BICD2: variants seen among roughly 807,000 people sequenced by gnomAD.
BICD2 encodes the protein protein bicaudal D homolog 2.
A neutral mutation model predicts 72.9 loss-of-function variants in BICD2; 25 were observed. The ratio of observed to expected loss-of-function variants is 0.34; its 90% CI spans 0.25 to 0.48. The LOEUF (loss-of-function observed/expected upper bound fraction) is 0.48. BICD2 is among the 20% of genes least tolerant of loss of function. The pLI, the probability that BICD2 is intolerant of heterozygous loss-of-function variation, is 0.99. For missense variants in BICD2, 894 were observed against 1,175.2 expected, an observed-to-expected ratio of 0.76 and a Z score of 3.50; for synonymous variants, 501 against 516.1, an observed-to-expected ratio of 0.97 and a Z score of 0.40.
At chr9:92,739,208 T>C (rs972380069) in intron 1 of BICD2, among the ~76,000 whole-genome samples, 2 of 152,188 alleles carry the variant, frequency 1.3e-5, no homozygotes, top group African/African-American at 4.8e-5. Flanking sequence ...CCCAGGCTTG[T>C]TGAAAAATCC....
intron 1 of BICD2, among the ~76,000 whole-genome samples, chr9:92,742,879 T>C (rs1294638119): frequency 6.6e-6 from 1 of 152,262 alleles, no homozygotes; most frequent in East Asian, 1.9e-4. Flanking sequence ...TGTTGTAGTA[T>C]GTATAAGAAT....
Position 92,712,968 on chromosome 9 carries a change from C to CA in BICD2, c.*2185dup, listed in dbSNP as rs1490729551. The CA allele has an allele frequency of 2.5e-5, 4 of 161,988 alleles. No individual in the cohort carries two copies. Among genetic ancestry groups the CA allele is most frequent in the African/African-American group, 9.6e-5 (4 of 41,612 alleles). The allele number at this position is 161,988 out of a possible 1,614,324, so 10.0% of individuals were successfully genotyped here. On this transcript the variant is annotated 3_prime_UTR_variant, in exon 7 of 7. Transcript: ENST00000356884. Reference sequence around the variant, plus strand: ...CTAAAGCTACACGCTATGGAGCACACAGCTCTGCCTCGTGCTGACACCAGA... The same window carrying CA: ...CTAAAGCTACACGCTATGGAGCACACAAGCTCTGCCTCGTGCTGACACCAGA...
intron 1 of BICD2, 134 bp from the exon 2 acceptor site, chr9:92,729,370 C>T (rs1853635511): frequency 3.2e-6 from 3 of 933,018 alleles, no homozygotes; most frequent in Non-Finnish European, 4.8e-6. Flanking sequence ...GAAGGGAGGC[C>T]CCCTGACCTG....
intron 1 of BICD2, among the ~76,000 whole-genome samples, 189 bp from the exon 2 acceptor site, chr9:92,729,425 T>C (rs1212474344): frequency 6.6e-6 from 1 of 152,230 alleles, no homozygotes; most frequent in Non-Finnish European, 1.5e-5. Context: ...CATATGCAAA[T>C]GCAACAAGCT....
At chr9:92,750,005 T>C (rs1854115530) in intron 1 of BICD2, among the ~76,000 whole-genome samples, 1 of 152,250 alleles carries the variant, frequency 6.6e-6, no homozygotes, top group Non-Finnish European at 1.5e-5. Flanking sequence ...CCGGGTTTTC[T>C]CCTGACTTCA....
At chr9:92,747,920 G>T (rs559703721) in intron 1 of BICD2, among the ~76,000 whole-genome samples, 3 of 152,220 alleles carry the variant, frequency 2.0e-5, no homozygotes, top group African/African-American at 7.2e-5. Context: ...CCCCACACCC[G>T]AAGTGGGCTG....
intron 1 of BICD2, among the ~76,000 whole-genome samples, chr9:92,745,163 G>A (rs955645752): frequency 6.6e-6 from 1 of 152,144 alleles, no homozygotes; most frequent in East Asian, 1.9e-4. Context: ...AGGGCCAGAT[G>A]CTTCAGATCA....
intron 6 of BICD2, among the ~76,000 whole-genome samples, chr9:92,717,007 G>C (rs1273533391): frequency 6.6e-6 from 1 of 152,250 alleles, no homozygotes; most frequent in African/African-American, 2.4e-5. Flanking sequence ...GAGGTACAGG[G>C]CTATGCACAG....
rs999828635 is a variant in BICD2 at position 92,719,339 on chromosome 9, C to T, written c.1306G>A (p.Ala436Thr). The T allele has an allele frequency of 6.2e-7, 1 of 1,614,214 alleles. No individual in the cohort carries two copies. The highest frequency in any genetic ancestry group is 8.5e-7 in the Non-Finnish European group (1 of 1,180,034). Residue 436 changes from alanine (A) to threonine (T), a missense_variant, in exon 5 of 7, where the codon GCC (alanine) becomes ACC (threonine). Transcript: ENST00000356884. Reference sequence around the variant, plus strand: ...GCCACAGCCACATGGTACTTGCAGGCCAAGATCTCAGGCCCGTTGATGTCC... The same window carrying T: ...GCCACAGCCACATGGTACTTGCAGGTCAAGATCTCAGGCCCGTTGATGTCC... ...EVDINGPEIL[A>T]CKYHVAVAEA...
rs201922946 is a variant in BICD2 at position 92,720,272 on chromosome 9, C to T, written c.1062+28G>A. ...CCCTGCAGACCTGGAGTGGGGACAG[C>T]GTGCCGAAGGCCCCACTGCCTGCTC... On this transcript the variant is annotated intron_variant, in intron 4 of 6. Transcript: ENST00000356884. This position sits in a 1 kb window ranked among gnomAD's most constrained non-coding sequence, Gnocchi z 5.4. The T allele has an allele frequency of 6.1e-5, 97 of 1,581,024 alleles. No individual in the cohort carries two copies. Among genetic ancestry groups the T allele is most frequent in the African/African-American group, 5.1e-4 (38 of 74,504 alleles).
At chr9:92,739,014 G>A (rs1381533378) in intron 1 of BICD2, among the ~76,000 whole-genome samples, 5 of 149,590 alleles carry the variant, frequency 3.3e-5, no homozygotes, top group Admixed American at 2.7e-4. Context: ...TGGGAACGGC[G>A]GGCCTGGGCA....
At chr9:92,753,913 G>A (rs1854202021) in intron 1 of BICD2, among the ~76,000 whole-genome samples, 1 of 151,642 alleles carries the variant, frequency 6.6e-6, no homozygotes, top group Non-Finnish European at 1.5e-5. Context: ...GGGAGGCTGA[G>A]ACAGGCGGAT....
At chr9:92,738,617 A>G (rs1231371114) in intron 1 of BICD2, among the ~76,000 whole-genome samples, 2 of 152,222 alleles carry the variant, frequency 1.3e-5, no homozygotes, top group Non-Finnish European at 2.9e-5. Context: ...ACAAACCTGT[A>G]CAGGGAGTTG....
At chr9:92,742,791 T>C (rs991969816) in intron 1 of BICD2, among the ~76,000 whole-genome samples, 3 of 152,242 alleles carry the variant, frequency 2.0e-5, no homozygotes, top group African/African-American at 7.2e-5. Context: ...TCCATCTCTA[T>C]GAATGTGTCT....
rs190219056 is a variant in BICD2, at chr9:92,712,741, A to C, written c.*2413T>G. On this transcript the variant is annotated 3_prime_UTR_variant, in exon 7 of 7. Transcript: ENST00000356884. ...AAAGGTCAAGTTTTCTTCTTGTTAC[A>C]TTGAACTATTCCTAAGAATAATAAT... 6.6e-6 allele frequency: 1 copy of C among 152,500 alleles called. No homozygotes were observed. The highest frequency in any genetic ancestry group is 1.5e-5 in the Non-Finnish European group (1 of 68,026). The allele number at this position is 152,500 out of a possible 1,614,324, so 9.4% of individuals were successfully genotyped here.
intron 1 of BICD2, among the ~76,000 whole-genome samples, chr9:92,747,386 G>A (rs532774256): frequency 1.3e-5 from 2 of 152,282 alleles, no homozygotes; most frequent in East Asian, 3.9e-4. Flanking sequence ...TCTGCATGCT[G>A]GTATGCTTTC....
intron 6 of BICD2, among the ~76,000 whole-genome samples, chr9:92,715,830 C>A (rs1038019311): frequency 6.6e-6 from 1 of 152,158 alleles, no homozygotes; most frequent in African/African-American, 2.4e-5. Flanking sequence ...GCGCTCTCCC[C>A]GCTTAAAGGC....
chr9:92,743,613 C>G (rs1214664288), intron 1 of BICD2, among the ~76,000 whole-genome samples: 1 of 152,108 alleles, frequency 6.6e-6, no homozygotes, highest in African/African-American at 2.4e-5. Context: ...ACCCATGTTC[C>G]CATTTTATGG....
rs1853431792 is a variant in BICD2 at position 92,720,247 on chromosome 9, C to T, written c.1062+53G>A. On this transcript the variant is annotated intron_variant, in intron 4 of 6. Transcript: ENST00000356884. This position sits in a 1 kb window ranked among gnomAD's most constrained non-coding sequence, Gnocchi z 5.4. ...TGTCAGGTAAGCACTGCTCGGGGAG[C>T]CCTGCAGACCTGGAGTGGGGACAGC... 1.3e-6 allele frequency: 2 copies of T among 1,525,136 alleles called. No individual in the cohort carries two copies. The highest frequency in any genetic ancestry group is 1.8e-6 in the Non-Finnish European group (2 of 1,130,112). 94.5% of individuals were successfully genotyped at this position (1,525,136 alleles called of 1,614,324 possible). A position where few individuals can be genotyped will look rare whatever the true frequency, so the allele number is the denominator to read the frequency against.
Sources: gnomAD v4.1 joint callset for allele counts (sites outside exome capture counted in the v4.1 genomes callset) on GRCh38, gnomAD v4.1.1 for gene constraint, Gnocchi (gnomAD v3.1) non-coding constraint, MANE v1.5 for transcripts, NCBI Gene and HGNC (gene_info 2026-07-23, HGNC 2026-07-21) for gene names.